Variants in UBE2E2 observed in about 807,000 individuals in gnomAD.
UBE2E2 encodes ubiquitin conjugating enzyme E2 E2.
In UBE2E2, 6 loss-of-function variants were observed where a neutral mutation model predicts 24.7. The ratio of observed to expected loss-of-function variants is 0.24; its 90% confidence interval spans 0.13 to 0.48. UBE2E2 has a LOEUF of 0.48. UBE2E2 is among the 20% of genes least tolerant of loss of function. UBE2E2 has a pLI of 0.99. For missense variants in UBE2E2, 169 were observed against 245.0 expected, an observed-to-expected ratio of 0.69 and a Z score of 2.07; for synonymous variants, 104 against 83.6, an observed-to-expected ratio of 1.24 and a Z score of -1.33.
chr3:23,283,869 G>A (rs1374046734), intron 3 of UBE2E2, among the ~76,000 whole-genome samples: 1 of 152,102 alleles, frequency 6.6e-6, no homozygotes, highest in Non-Finnish European at 1.5e-5. Context: ...GAAACTTCGG[G>A]GTGGGGCCAA....
chr3:23,485,957 A>G (rs1204339571), intron 3 of UBE2E2, among the ~76,000 whole-genome samples: 3 of 152,182 alleles, frequency 2.0e-5, no homozygotes, highest in African/African-American at 7.2e-5. Flanking sequence ...TGGTAACAAC[A>G]GTAGTGTCAT....
At chr3:23,233,412 T>C (rs945816574) in intron 3 of UBE2E2, among the ~76,000 whole-genome samples, 1 of 152,172 alleles carries the variant, frequency 6.6e-6, no homozygotes, top group African/African-American at 2.4e-5. Flanking sequence ...TGGAATAGAA[T>C]AGATAAATTT....
chr3:23,277,589 G>T (rs756584113), intron 3 of UBE2E2, among the ~76,000 whole-genome samples: 1 of 152,064 alleles, frequency 6.6e-6, no homozygotes, highest in Non-Finnish European at 1.5e-5. Flanking sequence ...TTTAAAAAAC[G>T]TAATCATGAA....
At chr3:23,228,860 G>T (rs149661132) in intron 3 of UBE2E2, among the ~76,000 whole-genome samples, 1 of 152,152 alleles carries the variant, frequency 6.6e-6, no homozygotes, top group Non-Finnish European at 1.5e-5. Flanking sequence ...TACACAGCAG[G>T]TAGACTCTCT....
chr3:23,216,315 G>C (rs1367503796), intron 2 of UBE2E2, among the ~76,000 whole-genome samples: 1 of 152,104 alleles, frequency 6.6e-6, no homozygotes, highest in Admixed American at 6.6e-5. Context: ...TCTTGAAAAA[G>C]AAGTAGAATG....
chr3:23,246,544 T>G (rs893985301), intron 3 of UBE2E2, among the ~76,000 whole-genome samples: 10 of 151,884 alleles, frequency 6.6e-5, no homozygotes, highest in Non-Finnish European at 1.0e-4. Flanking sequence ...CATGCCTGGC[T>G]AATTTTTTTA....
Position 23,373,399 on chromosome 3 carries a change from T to A in UBE2E2, c.228-126209T>A, listed in dbSNP as rs192048847. ...TTCCATTCATTTCCAGCCACTGCTT[T>A]GTACAGCTCCAGCACACTCCTCTCC... On this transcript the variant is annotated intron_variant, in intron 3 of 5. Coordinates refer to ENST00000396703, the MANE Select transcript of UBE2E2 (RefSeq NM_152653.4). Among the ~76,000 whole-genome samples the A allele has an allele frequency of 5.3e-5, 8 of 152,290 alleles. No homozygotes were observed. The East Asian group carries it at 1.5e-3, about 29-fold the overall frequency.
At chr3:23,506,255 A>G (rs1299638999) in intron 4 of UBE2E2, among the ~76,000 whole-genome samples, 1 of 152,182 alleles carries the variant, frequency 6.6e-6, no homozygotes, top group Non-Finnish European at 1.5e-5. Flanking sequence ...TCTTTCTTAC[A>G]TTTTGAATTG....
intron 3 of UBE2E2, among the ~76,000 whole-genome samples, chr3:23,497,373 C>T (rs1014670861): frequency 2.0e-5 from 3 of 152,178 alleles, no homozygotes; most frequent in African/African-American, 7.2e-5. Flanking sequence ...AGATGAACTG[C>T]TCATGCAGAG....
chr3:23,588,103 T>C (rs1696667799), intron 5 of UBE2E2, among the ~76,000 whole-genome samples: 1 of 152,144 alleles, frequency 6.6e-6, no homozygotes. Flanking sequence ...ATGAGTGCCT[T>C]ACAAGGTTAG....
At chr3:23,576,947 T>G (rs1474905310) in intron 5 of UBE2E2, among the ~76,000 whole-genome samples, 2 of 151,864 alleles carry the variant, frequency 1.3e-5, no homozygotes, top group African/African-American at 4.8e-5. Flanking sequence ...AAATTGAAGG[T>G]TAGTAGCAAG....
intron 3 of UBE2E2, among the ~76,000 whole-genome samples, chr3:23,397,214 T>G (rs541762582): frequency 6.6e-6 from 1 of 152,314 alleles, no homozygotes; most frequent in South Asian, 2.1e-4. Context: ...TTCTCACTTT[T>G]TGTGGGAGAA....
chr3:23,355,920 A>G (rs1436295215), intron 3 of UBE2E2, among the ~76,000 whole-genome samples: 1 of 152,238 alleles, frequency 6.6e-6, no homozygotes, highest in Non-Finnish European at 1.5e-5. Flanking sequence ...ATCATCTAAG[A>G]CTTTCTGAAT....
chr3:23,566,223 T>A (rs934709972), intron 5 of UBE2E2, among the ~76,000 whole-genome samples: 1 of 152,206 alleles, frequency 6.6e-6, no homozygotes, highest in African/African-American at 2.4e-5. Context: ...AATAGTATGA[T>A]AAGAACATTG....
chr3:23,472,121 G>C (rs1256293297), intron 3 of UBE2E2, among the ~76,000 whole-genome samples: 3 of 152,140 alleles, frequency 2.0e-5, no homozygotes, highest in Non-Finnish European at 4.4e-5. Flanking sequence ...CGAAAGGAAA[G>C]ACAAATCCAA....
intron 3 of UBE2E2, among the ~76,000 whole-genome samples, chr3:23,489,367 G>T (rs1699449024): frequency 1.3e-5 from 2 of 151,936 alleles, no homozygotes; most frequent in Non-Finnish European, 2.9e-5. Context: ...CAGGTCATTA[G>T]GTACTAGATT....
chr3:23,415,269 C>G (rs1418329348), intron 3 of UBE2E2, among the ~76,000 whole-genome samples: 1 of 152,202 alleles, frequency 6.6e-6, no homozygotes, highest in African/African-American at 2.4e-5. Context: ...AAGTCCTTCA[C>G]ATACTAACTA....
chr3:23,588,402 GTTTTTT>G (rs1696675723), intron 5 of UBE2E2, among the ~76,000 whole-genome samples: 3 of 110,040 alleles, frequency 2.7e-5, no homozygotes, highest in Admixed American at 9.3e-5. Flanking sequence ...TTGTTTTTTT[GTTTTTT>G]TGTTTTTTTT....
chr3:23,204,239 G>A (rs949284879), intron 1 of UBE2E2, among the ~76,000 whole-genome samples: 1 of 144,196 alleles, frequency 6.9e-6, no homozygotes, highest in Non-Finnish European at 1.5e-5. Context: ...GTGGCTTCTT[G>A]TGGCTTTTTT....
Sources: allele counts gnomAD v4.1 joint callset (sites outside exome capture counted in the v4.1 genomes callset), GRCh38; gene constraint gnomAD v4.1.1; transcripts MANE v1.5; gene names NCBI Gene and HGNC (gene_info 2026-07-23, HGNC 2026-07-21).